The following SLCO3A1 variants were observed in gnomAD, a reference collection of about 807,000 sequenced individuals.
SLCO3A1 encodes solute carrier organic anion transporter family member 3A1.
SLCO3A1 carries 27 observed loss-of-function variants against 63.1 expected under a neutral mutation model. That is an observed-to-expected ratio of 0.43 (90% CI 0.32 to 0.59). The LOEUF is 0.59. Among genes scored for constraint, SLCO3A1 ranks in the 20% least tolerant of loss-of-function variants. The pLI is 0.09. For synonymous variants in SLCO3A1, 473 were observed against 409.9 expected (o/e 1.15, Z -1.86); for missense variants, 773 against 945.8 (o/e 0.82, Z 2.40).
chr15:92,044,120 C>T (rs771081878), intron 2 of SLCO3A1, among the ~76,000 whole-genome samples: 8 of 152,224 alleles, frequency 5.3e-5, no homozygotes, highest in Middle Eastern at 3.4e-3. Context: ...CTAGAGTCAG[C>T]CCCACCAGTG....
At chr15:91,904,374 A>T (rs1399445567) in intron 1 of SLCO3A1, among the ~76,000 whole-genome samples, 1 of 152,116 alleles carries the variant, frequency 6.6e-6, no homozygotes, top group Non-Finnish European at 1.5e-5. Context: ...ACGCTGGGGG[A>T]GTAGAATTAA....
chr15:91,878,220 G>C (rs1897453167), intron 1 of SLCO3A1, among the ~76,000 whole-genome samples: 1 of 151,666 alleles, frequency 6.6e-6, no homozygotes, highest in African/African-American at 2.4e-5. Context: ...CGGATAGCTG[G>C]GATTACAGGC....
intron 7 of SLCO3A1, among the ~76,000 whole-genome samples, chr15:92,145,098 C>T (rs1185957448): frequency 2.0e-5 from 3 of 152,106 alleles, no homozygotes; most frequent in Admixed American, 6.5e-5. Flanking sequence ...GAGCAAGGGG[C>T]CTGTGCTCCT....
At chr15:92,047,796 A>G (rs2046907987) in intron 2 of SLCO3A1, among the ~76,000 whole-genome samples, 1 of 150,144 alleles carries the variant, frequency 6.7e-6, no homozygotes, top group African/African-American at 2.5e-5. Flanking sequence ...TAATCAGCCT[A>G]GTTATGGGCT....
At position 92,164,971 on chromosome 15, in the gene SLCO3A1, ATTGGT is replaced by A. The variant is rs1192575886; in HGVS notation, c.*1840_*1844del. On this transcript the variant is annotated 3_prime_UTR_variant, in exon 10 of 10. Transcript: ENST00000318445. ...CGCTGGAAAAAAAACTCAAAGGTTGATTGGTTTGCTTTTTCACCTTGGACACATTT... is the reference window on the plus strand; with the variant it reads ...CGCTGGAAAAAAAACTCAAAGGTTGATTGCTTTTTCACCTTGGACACATTT... The A allele has an allele frequency of 2.2e-5, 22 of 985,268 alleles. No homozygotes were observed. In the African/African-American group the frequency reaches 3.7e-4, roughly 16 times the overall value. The allele number at this position is 985,268 out of a possible 1,614,324, so 61.0% of individuals were successfully genotyped here. A position where few individuals can be genotyped will look rare whatever the true frequency, so the allele number is the denominator to read the frequency against.
At chr15:91,889,047 C>T in intron 1 of SLCO3A1, 2 of 632,204 alleles carry the variant, frequency 3.2e-6, no homozygotes, top group Non-Finnish European at 4.2e-6. Flanking sequence ...AAAAAAAAAC[C>T]TACAATTATT....
intron 2 of SLCO3A1, among the ~76,000 whole-genome samples, chr15:92,009,343 T>A (rs570092662): frequency 9.9e-5 from 15 of 152,274 alleles, no homozygotes; most frequent in African/African-American, 3.6e-4. Context: ...TGTCCTGGGC[T>A]CCTTCACATC....
rs1899966723 is a variant in SLCO3A1 at position 91,950,626 on chromosome 15, T to G, written c.646+34168T>G. 6.6e-6 allele frequency among the ~76,000 whole-genome samples: 1 copy of G among 152,234 alleles called. No homozygotes were observed. The highest frequency in any genetic ancestry group is 2.4e-5 in the African/African-American group (1 of 41,454). ...GTTCTTACCTAATTTCTCTTCAATT[T>G]CTCATGCACTGCATCTTCCCGCTGT... On this transcript the variant is annotated intron_variant, in intron 2 of 9. Coordinates refer to ENST00000318445, the MANE Select transcript of SLCO3A1 (RefSeq NM_013272.4). The surrounding 1 kb of genome is among the most constrained non-coding windows in gnomAD (Gnocchi z 4.4).
chr15:91,875,857 A>G lies in SLCO3A1; in HGVS notation c.180+21769A>G, dbSNP rs1372385935. 6.6e-6 allele frequency among the ~76,000 whole-genome samples: 1 copy of G among 152,224 alleles called. No individual in the cohort carries two copies. Among genetic ancestry groups the G allele is most frequent in the Non-Finnish European group, 1.5e-5 (1 of 68,040 alleles). On this transcript the variant is annotated intron_variant, in intron 1 of 9. Coordinates refer to ENST00000318445, the MANE Select transcript of SLCO3A1 (RefSeq NM_013272.4). The surrounding 1 kb of genome is among the most constrained non-coding windows in gnomAD (Gnocchi z 4.5). ...CATGCTGATTTATGTATATATTATC[A>G]TCATCATGTGACAGAAACCATATTG...
Position 92,049,920 on chromosome 15 carries a change from T to G in SLCO3A1, c.647-44961T>G, listed in dbSNP as rs189565150. Among the ~76,000 whole-genome samples, 134 of 152,274 alleles carry G rather than the reference T, an allele frequency of 8.8e-4. 1 individual carries two copies. The highest frequency in any genetic ancestry group is 3.2e-3 in the African/African-American group (133 of 41,554). ...GCAAGAGCACAAGTTGCTCGTGAGC[T>G]TTTTAATCACAGAAGAGTTCAGAAC... is the stretch of plus-strand genomic sequence containing the variant. On this transcript the variant is annotated intron_variant, in intron 2 of 9. Coordinates refer to ENST00000318445, the MANE Select transcript of SLCO3A1 (RefSeq NM_013272.4).
chr15:92,078,123 G>T (rs1748351484), intron 2 of SLCO3A1, among the ~76,000 whole-genome samples: 1 of 152,164 alleles, frequency 6.6e-6, no homozygotes, highest in Admixed American at 6.5e-5. Context: ...TGGATCTCGA[G>T]GTAGCAGTGG....
intron 2 of SLCO3A1, among the ~76,000 whole-genome samples, chr15:91,972,636 G>C (rs375901219): frequency 6.6e-6 from 1 of 152,168 alleles, no homozygotes; most frequent in African/African-American, 2.4e-5. Flanking sequence ...CCAGGGAAAC[G>C]TGCTGACCGA....
intron 2 of SLCO3A1, among the ~76,000 whole-genome samples, chr15:91,975,043 C>T (rs1014894917): frequency 2.0e-5 from 3 of 152,130 alleles, no homozygotes; most frequent in African/African-American, 7.2e-5. Context: ...ATAAGTGTTC[C>T]TGCATCATAG....
chr15:91,961,624 T>C (rs959059008), intron 2 of SLCO3A1, among the ~76,000 whole-genome samples: 2 of 152,248 alleles, frequency 1.3e-5, no homozygotes, highest in African/African-American at 4.8e-5. Flanking sequence ...TTGCACTTGC[T>C]CTCTGGCTTC....
chr15:91,892,187 A>T (rs1326992042), intron 1 of SLCO3A1, among the ~76,000 whole-genome samples: 1 of 152,208 alleles, frequency 6.6e-6, no homozygotes, highest in Non-Finnish European at 1.5e-5. Flanking sequence ...GGCTCAGGAA[A>T]GGTCTGTCTT....
intron 2 of SLCO3A1, among the ~76,000 whole-genome samples, chr15:92,064,423 T>C (rs910437759): frequency 1.1e-5 from 1 of 88,798 alleles, no homozygotes; most frequent in African/African-American, 3.5e-5. Flanking sequence ...TTTCCTTTGC[T>C]GTGCAGAAGC....
intron 2 of SLCO3A1, among the ~76,000 whole-genome samples, chr15:91,972,855 T>C (rs1484433199): frequency 6.6e-6 from 1 of 152,130 alleles, no homozygotes; most frequent in East Asian, 1.9e-4. Context: ...GCATGGTGGC[T>C]CATGCCTGTA....
chr15:91,987,441 C>T (rs2046068256), intron 2 of SLCO3A1, among the ~76,000 whole-genome samples: 1 of 152,040 alleles, frequency 6.6e-6, no homozygotes, highest in African/African-American at 2.4e-5. Flanking sequence ...TGATGAGAAG[C>T]CTGTTTTGTT....
chr15:91,871,304 G>C (rs1435582001), intron 1 of SLCO3A1, among the ~76,000 whole-genome samples: 1 of 152,080 alleles, frequency 6.6e-6, no homozygotes, highest in Admixed American at 6.5e-5. Flanking sequence ...GGCTAGATGT[G>C]GTCTTGGCAG....
Sources: gnomAD v4.1 joint callset for allele counts (sites outside exome capture counted in the v4.1 genomes callset) on GRCh38, gnomAD v4.1.1 for gene constraint, Gnocchi (gnomAD v3.1) non-coding constraint, MANE v1.5 for transcripts, NCBI Gene and HGNC (gene_info 2026-07-23, HGNC 2026-07-21) for gene names.